LAMA4: variants seen among roughly 807,000 people sequenced by gnomAD.
The protein encoded by LAMA4 is laminin subunit alpha-4.
LAMA4 carries 127 observed loss-of-function variants against 207.1 expected under a neutral mutation model. The observed-to-expected ratio is 0.61, with a 90% CI of 0.53 to 0.71. The LOEUF (loss-of-function observed/expected upper bound fraction) is 0.71. Among genes scored for constraint, LAMA4 ranks in the 30% least tolerant of loss-of-function variants. LAMA4 has a pLI of 0.00. For synonymous variants in LAMA4, 761 were observed against 816.0 expected, an observed-to-expected ratio of 0.93 and a Z score of 1.15; for missense variants, 2,093 against 2,246.5, an observed-to-expected ratio of 0.93 and a Z score of 1.38.
intron 2 of LAMA4, among the ~76,000 whole-genome samples, chr6:112,228,317 TCTTC>T (rs1211578224): frequency 1.3e-5 from 2 of 152,238 alleles, no homozygotes; most frequent in African/African-American, 4.8e-5. Flanking sequence ...TTATATAATC[TCTTC>T]CTTTATGTGA....
intron 3 of LAMA4, among the ~76,000 whole-genome samples, chr6:112,210,920 G>A (rs1297195131): frequency 6.6e-6 from 1 of 151,974 alleles, no homozygotes; most frequent in Non-Finnish European, 1.5e-5. Flanking sequence ...AAATTTTTCA[G>A]TTTAAATTTC....
intron 31 of LAMA4, among the ~76,000 whole-genome samples, chr6:112,126,942 T>C (rs1778727543): frequency 6.6e-6 from 1 of 152,176 alleles, no homozygotes; most frequent in South Asian, 2.1e-4. Flanking sequence ...AGCCAAGCAA[T>C]TTTACTTTTA....
At chr6:112,252,485 T>A (rs1185113798) in intron 2 of LAMA4, among the ~76,000 whole-genome samples, 3 of 152,172 alleles carry the variant, frequency 2.0e-5, no homozygotes, top group Non-Finnish European at 4.4e-5. Context: ...ACCTAACAGA[T>A]ACAAATACAG....
At chr6:112,159,976 G>T (rs1780954041) in intron 13 of LAMA4, among the ~76,000 whole-genome samples, 1 of 152,060 alleles carries the variant, frequency 6.6e-6, no homozygotes, top group Admixed American at 6.5e-5. Flanking sequence ...AAGCCTTACG[G>T]TGTTGCCTGT....
chr6:112,236,155 C>A (rs1785905168), intron 2 of LAMA4: 1 of 152,144 alleles, frequency 6.6e-6, no homozygotes, highest in South Asian at 2.1e-4. Flanking sequence ...TTCTAGAAAC[C>A]CTGTGTGGGA....
chr6:112,116,241 G>A (rs1208677009), intron 35 of LAMA4, among the ~76,000 whole-genome samples: 1 of 152,176 alleles, frequency 6.6e-6, no homozygotes, highest in Admixed American at 6.5e-5. Context: ...ATGTGTTATG[G>A]GAGCTCAGGG....
intron 11 of LAMA4, among the ~76,000 whole-genome samples, chr6:112,174,104 G>A (rs1274520541): frequency 1.3e-5 from 2 of 152,218 alleles, no homozygotes; most frequent in Admixed American, 1.3e-4. Context: ...TCCATTGATT[G>A]TGTAGATTAA....
At chr6:112,187,657 C>T (rs1782773864) in intron 7 of LAMA4, 56 bp from the exon 8 acceptor site, 7 of 1,548,794 alleles carry the variant, frequency 4.5e-6, no homozygotes, top group Admixed American at 1.8e-5. Context: ...AAAGGCAGGC[C>T]GTTTTAGCAG....
At chr6:112,211,486 T>C (rs1156570203) in intron 3 of LAMA4, among the ~76,000 whole-genome samples, 1 of 152,216 alleles carries the variant, frequency 6.6e-6, no homozygotes, top group East Asian at 1.9e-4. Flanking sequence ...CCATATCTGT[T>C]ATTAAAATGA....
intron 2 of LAMA4, among the ~76,000 whole-genome samples, chr6:112,233,192 A>G (rs1785675542): frequency 6.6e-6 from 1 of 152,238 alleles, no homozygotes; most frequent in East Asian, 1.9e-4. Flanking sequence ...CTTCAGAATT[A>G]CACAACAGAA....
chr6:112,158,696 A>G (rs1554337569), intron 14 of LAMA4, 36 bp downstream of exon 14: 1 of 1,566,856 alleles, frequency 6.4e-7, no homozygotes, highest in Non-Finnish European at 8.8e-7. Context: ...TATTCACCCC[A>G]TGTAGATATT....
At chr6:112,203,675 A>G (rs1256313420) in intron 4 of LAMA4, among the ~76,000 whole-genome samples, 2 of 152,182 alleles carry the variant, frequency 1.3e-5, no homozygotes, top group East Asian at 3.8e-4. Flanking sequence ...GGATTCAAGA[A>G]GTAGAGCTGT....
intron 2 of LAMA4, among the ~76,000 whole-genome samples, chr6:112,222,321 G>A (rs1319655576): frequency 2.0e-5 from 3 of 152,204 alleles, no homozygotes; most frequent in Non-Finnish European, 4.4e-5. Flanking sequence ...GGAGGTTTAT[G>A]CAGTTCAAAG....
chr6:112,177,456 AT>A (rs1413094941), intron 10 of LAMA4, among the ~76,000 whole-genome samples: 1 of 152,236 alleles, frequency 6.6e-6, no homozygotes, highest in Non-Finnish European at 1.5e-5. Flanking sequence ...TCTTTATCCT[AT>A]AACAGATGAA....
At chr6:112,111,319 C>T (rs1777682425) in intron 38 of LAMA4, among the ~76,000 whole-genome samples, 1 of 152,196 alleles carries the variant, frequency 6.6e-6, no homozygotes, top group Non-Finnish European at 1.5e-5. Context: ...GCTAGGATTA[C>T]AGGCGCGAGC....
intron 13 of LAMA4, among the ~76,000 whole-genome samples, chr6:112,161,427 T>A (rs1460842587): frequency 6.6e-6 from 1 of 152,186 alleles, no homozygotes; most frequent in Non-Finnish European, 1.5e-5. Flanking sequence ...TTTTGGTTGG[T>A]CATCTGGGGA....
chr6:112,158,932 T>C (rs1554337681), intron 13 of LAMA4, 52 bp from the exon 14 acceptor site: 3 of 1,268,830 alleles, frequency 2.4e-6, no homozygotes, highest in South Asian at 1.2e-5. Context: ...ACTTAAAACA[T>C]TTTTCCTAGG....
chr6:112,133,709 C>T (rs1163078976), intron 26 of LAMA4, among the ~76,000 whole-genome samples: 1 of 152,142 alleles, frequency 6.6e-6, no homozygotes, highest in Non-Finnish European at 1.5e-5. Flanking sequence ...TTTCAAAATG[C>T]TCTAACTTAC....
intron 29 of LAMA4, among the ~76,000 whole-genome samples, chr6:112,130,762 T>G (rs1562640812): frequency 6.6e-6 from 1 of 152,158 alleles, no homozygotes; most frequent in East Asian, 1.9e-4. Flanking sequence ...CCCTTATATT[T>G]AGTTTAAGAA....
Sources: gnomAD v4.1 joint callset for allele counts (sites outside exome capture counted in the v4.1 genomes callset) on GRCh38, gnomAD v4.1.1 for gene constraint, MANE v1.5 for transcripts, NCBI Gene and HGNC (gene_info 2026-07-23, HGNC 2026-07-21) for gene names.